Variants in GINS1 observed in about 807,000 individuals in gnomAD.
GINS1 encodes DNA replication complex GINS protein PSF1.
Under a neutral mutation model 34.9 loss-of-function variants are expected in GINS1, and 26 were observed. That is an observed-to-expected ratio of 0.74 (90% CI 0.55 to 1.03). GINS1 has a LOEUF of 1.03. Among genes scored for constraint, GINS1 ranks in the 50% least tolerant of loss-of-function variants. GINS1 has a pLI of 0.00. For synonymous variants in GINS1, 97 were observed against 84.4 expected (o/e 1.15, Z -0.82); for missense variants, 235 against 237.9 (o/e 0.99, Z 0.08).
intron 4 of GINS1, among the ~76,000 whole-genome samples, chr20:25,423,182 C>G (rs553645399): frequency 2.8e-4 from 41 of 144,342 alleles, no homozygotes; most frequent in Non-Finnish European, 5.2e-4. Flanking sequence ...TGGCATAGCT[C>G]GGCTCACTGC....
At chr20:25,429,474 T>C (rs975897770) in intron 5 of GINS1, among the ~76,000 whole-genome samples, 1 of 152,214 alleles carries the variant, frequency 6.6e-6, no homozygotes, top group Admixed American at 6.5e-5. Flanking sequence ...TTCCAATTGT[T>C]GATGTCATCT....
intron 5 of GINS1, among the ~76,000 whole-genome samples, chr20:25,440,212 G>C (rs183774278): frequency 6.6e-6 from 1 of 151,772 alleles, no homozygotes; most frequent in African/African-American, 2.4e-5. Flanking sequence ...TGTTGACCAG[G>C]CTGGTCTTAA....
At chr20:25,438,512 CTTTTTTTTTTTTT>C (rs35305107) in intron 5 of GINS1, among the ~76,000 whole-genome samples, 1 of 67,986 alleles carries the variant, frequency 1.5e-5, no homozygotes, top group Non-Finnish European at 2.6e-5. Context: ...AAGAACAACA[CTTTTTTTTTTTTT>C]TTTTTTTTTT....
chr20:25,439,097 C>T (rs1312423180), intron 5 of GINS1, among the ~76,000 whole-genome samples: 3 of 152,130 alleles, frequency 2.0e-5, no homozygotes, highest in Admixed American at 6.6e-5. Flanking sequence ...TAGATTAATG[C>T]TTGTAACCCT....
intron 5 of GINS1, among the ~76,000 whole-genome samples, 171 bp downstream of exon 5, chr20:25,425,498 T>A (rs547039339): frequency 1.3e-5 from 2 of 152,306 alleles, no homozygotes; most frequent in East Asian, 3.9e-4. Flanking sequence ...GGAACAGCTA[T>A]AATTTTCTGA....
At chr20:25,416,698 A>G (rs2090322707) in intron 2 of GINS1, among the ~76,000 whole-genome samples, 1 of 152,222 alleles carries the variant, frequency 6.6e-6, no homozygotes, top group African/African-American at 2.4e-5. Flanking sequence ...TGGAAGCTCC[A>G]CTGGAAGGGA....
Position 25,407,700 on chromosome 20 carries a change from C to G in GINS1, c.-121C>G, listed in dbSNP as rs878859972. 1 of 774,742 alleles carries G rather than the reference C, an allele frequency of 1.3e-6. No individual in the cohort carries two copies. Among genetic ancestry groups the G allele is most frequent in the Non-Finnish European group, 2.2e-6 (1 of 462,926 alleles). The allele number at this position is 774,742 out of a possible 1,614,324, so 48.0% of individuals were successfully genotyped here. On this transcript the variant is annotated 5_prime_UTR_variant, in exon 1 of 7. Coordinates refer to ENST00000262460, the MANE Select transcript of GINS1 (RefSeq NM_021067.5). ...TCGGCGCCAAAGCGCGGAGCGGAGG[C>G]CGAGGCGAGAGCCTGGCGCTGTAGG...
chr20:25,441,239 C>T (rs1331088266), intron 5 of GINS1, among the ~76,000 whole-genome samples: 1 of 152,110 alleles, frequency 6.6e-6, no homozygotes, highest in African/African-American at 2.4e-5. Flanking sequence ...TGTAAGTATT[C>T]CTGGGAAATT....
chr20:25,442,338 ATCTGTCTGTCTG>A (rs56170743), intron 6 of GINS1, among the ~76,000 whole-genome samples: 70 of 149,416 alleles, frequency 4.7e-4, no homozygotes, highest in Middle Eastern at 6.9e-3. Context: ...CTATCTATCT[ATCTGTCTGTCTG>A]TCTGTCTGTC....
At position 25,448,277 on chromosome 20, in the gene GINS1, A is replaced by G. The variant is rs1307794912; in HGVS notation, c.*2286A>G. On this transcript the variant is annotated 3_prime_UTR_variant, in exon 7 of 7. Transcript: ENST00000262460. ...TAATATTGAGTCTTCTGGCCTATAA[A>G]CAAGGTCTGTCTTCCTAGGTATTAA... The G allele has an allele frequency of 6.6e-6, 1 of 152,204 alleles. No individual in the cohort carries two copies. The highest frequency in any genetic ancestry group is 1.5e-5 in the Non-Finnish European group (1 of 68,038). The allele number at this position is 152,204 out of a possible 1,614,324, so 9.4% of individuals were successfully genotyped here.
At chr20:25,438,470 T>TA (rs1345131148) in intron 5 of GINS1, among the ~76,000 whole-genome samples, 1 of 151,424 alleles carries the variant, frequency 6.6e-6, no homozygotes, top group Non-Finnish European at 1.5e-5. Context: ...TCACATCAAT[T>TA]ACGTTAGAAG....
intron 1 of GINS1, among the ~76,000 whole-genome samples, chr20:25,410,537 GC>G (rs1411000499): frequency 1.3e-5 from 2 of 152,012 alleles, no homozygotes; most frequent in African/African-American, 4.8e-5. Flanking sequence ...GATCTGAGAG[GC>G]CCAAGGACCA....
At position 25,441,762 on chromosome 20, in the gene GINS1, A is replaced by T; in HGVS notation, c.508A>T (p.Lys170Ter). Residue 170 changes from lysine (K) to a stop codon, truncating the protein, a stop_gained, in exon 6 of 7, where the codon AAA becomes TAA. Coordinates refer to ENST00000262460, the MANE Select transcript of GINS1 (RefSeq NM_021067.5). LOFTEE classifies it high-confidence loss of function. ...TGATGATGGCACTTCAGTCCTATTA[A>T]AAAAAAATAGCCAGGTATTTCTTAT... is the stretch of plus-strand genomic sequence containing the variant. ...EVDDGTSVLL[K>*]KNSQHFLPRW... 6.6e-7 allele frequency: 1 copy of T among 1,524,736 alleles called. No homozygotes were observed. Among genetic ancestry groups the T allele is most frequent in the Admixed American group, 1.8e-5 (1 of 56,392 alleles). The allele number at this position is 1,524,736 out of a possible 1,614,324, so 94.5% of individuals were successfully genotyped here.
rs558750890 is a variant in GINS1, at chr20:25,410,631, C to T, written c.75+2736C>T. Among the ~76,000 whole-genome samples, 5 of 151,326 alleles carry T rather than the reference C, an allele frequency of 3.3e-5. 1 individual carries two copies. Among genetic ancestry groups the T allele is most frequent in the South Asian group, 4.2e-4 (2 of 4,750 alleles). On this transcript the variant is annotated intron_variant, in intron 1 of 6. Transcript: ENST00000262460. ...AGGCTGGAGTGCAATGGTGTGATCT[C>T]GGCTCACTGCAACCTCCGCCTTCTG... is the stretch of plus-strand genomic sequence containing the variant.
chr20:25,408,315 G>C (rs11908061), intron 1 of GINS1, among the ~76,000 whole-genome samples: 6 of 152,110 alleles, frequency 3.9e-5, no homozygotes, highest in African/African-American at 1.4e-4. Flanking sequence ...TTTCTCATAC[G>C]CAAAAATGGG....
chr20:25,447,760 C>T lies in GINS1; in HGVS notation c.*1769C>T, dbSNP rs2090520807. 6.6e-6 allele frequency: 1 copy of T among 152,304 alleles called. No individual in the cohort carries two copies. The highest frequency in any genetic ancestry group is 2.1e-4 in the South Asian group (1 of 4,836). 9.4% of individuals were successfully genotyped at this position (152,304 alleles called of 1,614,324 possible). A position where few individuals can be genotyped will look rare whatever the true frequency, so the allele number is the denominator to read the frequency against. ...ATGTGCTGGGATTACAGGCGTGAGC[C>T]TTGGTGCTGGCCCAGTGTACCACAT... is the stretch of plus-strand genomic sequence containing the variant. On this transcript the variant is annotated 3_prime_UTR_variant, in exon 7 of 7. Transcript: ENST00000262460.
At chr20:25,436,990 T>G (rs1240250537) in intron 5 of GINS1, among the ~76,000 whole-genome samples, 4 of 152,216 alleles carry the variant, frequency 2.6e-5, no homozygotes, top group Non-Finnish European at 5.9e-5. Context: ...TTTTTTTGGT[T>G]GTTGTAAGCT....
At chr20:25,413,878 T>A (rs1568797434) in intron 2 of GINS1, 24 bp downstream of exon 2, 2 of 1,329,892 alleles carry the variant, frequency 1.5e-6, no homozygotes, top group Admixed American at 1.7e-5. Flanking sequence ...GATGATATTC[T>A]AAAACAATTC....
intron 4 of GINS1, among the ~76,000 whole-genome samples, chr20:25,424,717 A>G (rs2090380569): frequency 6.6e-6 from 1 of 152,224 alleles, no homozygotes; most frequent in South Asian, 2.1e-4. Flanking sequence ...TATGAGTAGA[A>G]TCATGCAATA....
Sources: gnomAD v4.1 joint callset for allele counts (sites outside exome capture counted in the v4.1 genomes callset) on GRCh38, gnomAD v4.1.1 for gene constraint, MANE v1.5 for transcripts, NCBI Gene and HGNC (gene_info 2026-07-23, HGNC 2026-07-21) for gene names.